PHKA1: variants seen among roughly 807,000 people sequenced by gnomAD.
PHKA1 encodes the protein phosphorylase kinase regulatory subunit alpha 1.
PHKA1 carries 60 observed loss-of-function variants against 110.2 expected under a neutral mutation model. The ratio of observed to expected loss-of-function variants is 0.54; its 90% CI spans 0.44 to 0.68. The LOEUF is 0.68. Ranked by LOEUF, PHKA1 falls within the 30% of genes least tolerant of loss-of-function variation. The probability of loss-of-function intolerance (pLI) is 0.00; values close to 1 mark genes in which losing one functional copy is unlikely to be tolerated. For missense variants in PHKA1, 801 were observed against 942.5 expected, an observed-to-expected ratio of 0.85 and a Z score of 1.97; for synonymous variants, 316 against 333.6, an observed-to-expected ratio of 0.95 and a Z score of 0.58.
At chrX:72,588,819 A>G (rs1797492771) in intron 29 of PHKA1, among the ~76,000 whole-genome samples, 1 of 112,084 alleles carries the variant, frequency 8.9e-6, no homozygotes, top group Admixed American at 9.5e-5. Flanking sequence ...AATAAACTAG[A>G]AAATCTAGAA....
In PHKA1 at chrX:72,601,669, C is replaced by T. The variant is rs782281959; in HGVS notation, c.3072+322G>A. On this transcript the variant is annotated intron_variant, in intron 28 of 31. Transcript: ENST00000373542. ...GCCTAGGAAAAGGTTGAGAAGCCCACCTAAACTCTGGCCAAGCAAAGACTC... is the reference window on the plus strand; with the variant it reads ...GCCTAGGAAAAGGTTGAGAAGCCCATCTAAACTCTGGCCAAGCAAAGACTC... Among the ~76,000 whole-genome samples, 16 of 111,087 alleles carry T rather than the reference C, an allele frequency of 1.4e-4. No individual in the cohort carries two copies. In the South Asian group the frequency reaches 6.2e-3, roughly 43 times the overall value.
intron 16 of PHKA1, among the ~76,000 whole-genome samples, chrX:72,629,614 A>C (rs1471865739): frequency 9.0e-6 from 1 of 111,399 alleles, no homozygotes; most frequent in African/African-American, 3.3e-5. Context: ...ATTTGAACTG[A>C]TGTATTTAGG....
chrX:72,677,316 T>C (rs995956246), intron 5 of PHKA1, among the ~76,000 whole-genome samples: 4 of 112,321 alleles, frequency 3.6e-5, no homozygotes, highest in African/African-American at 1.3e-4. Context: ...CATCACTTGG[T>C]TAACGTGATG....
At chrX:72,648,703 T>C (rs2053391156) in intron 13 of PHKA1, among the ~76,000 whole-genome samples, 2 of 110,702 alleles carry the variant, frequency 1.8e-5, no homozygotes, top group African/African-American at 6.6e-5. Flanking sequence ...GAGATTTAGA[T>C]GAACAACCAT....
chrX:72,584,733 C>CTTTTTTTTTTAACACTTG (rs2052390516), intron 29 of PHKA1, among the ~76,000 whole-genome samples: 1 of 101,167 alleles, frequency 9.9e-6, no homozygotes, highest in Admixed American at 1.1e-4. Flanking sequence ...AAAAGTTTTC[C>CTTTTTTTTTTAACACTTG]TTTTTTTTTT....
At chrX:72,650,521 T>C in intron 12 of PHKA1, 53 bp from the exon 13 acceptor site, 4 of 984,441 alleles carry the variant, frequency 4.1e-6, no homozygotes, top group Non-Finnish European at 5.7e-6. Context: ...GAGAAACTAA[T>C]ACTTGAGGGA....
chrX:72,630,579 CT>C (rs1230078734), intron 16 of PHKA1, among the ~76,000 whole-genome samples: 1,182 of 105,918 alleles, frequency 0.011, 16 homozygotes, highest in African/African-American at 0.039. Context: ...GTTTAAAATT[CT>C]TTTTTTTTTC....
chrX:72,680,553 G>T (rs1556313864), intron 5 of PHKA1, among the ~76,000 whole-genome samples: 1 of 113,068 alleles, frequency 8.8e-6, no homozygotes, highest in East Asian at 2.8e-4. Flanking sequence ...AGCTGAAATA[G>T]TTCATCACTA....
chrX:72,660,843 G>A (rs1556303689), intron 8 of PHKA1: 1 of 203,300 alleles, frequency 4.9e-6, no homozygotes, highest in Non-Finnish European at 9.2e-6. Context: ...TTTTGGTGGA[G>A]AAATAATGTC....
intron 23 of PHKA1, among the ~76,000 whole-genome samples, chrX:72,607,587 A>G (rs2052748566): frequency 9.0e-6 from 1 of 111,673 alleles, no homozygotes; most frequent in Non-Finnish European, 1.9e-5. Context: ...TTTTTTCCCT[A>G]TAGAATTGTT....
Position 72,650,478 on chromosome X carries a change from A to G in PHKA1, c.1246-10T>C. On this transcript the variant is annotated splice_polypyrimidine_tract_variant and intron_variant, in intron 12 of 31. Coordinates refer to ENST00000373542, the MANE Select transcript of PHKA1 (RefSeq NM_002637.4). ...CAGGGGCTAAAAATCCCTAAAGAAA[A>G]ACCATAAAAAGACAGATTATTAAGT... 8.5e-7 allele frequency: 1 copy of G among 1,178,959 alleles called. No individual in the cohort carries two copies. Among genetic ancestry groups the G allele is most frequent in the Non-Finnish European group, 1.2e-6 (1 of 866,801 alleles).
chrX:72,652,672 GC>G, intron 11 of PHKA1, 21 bp from the exon 12 acceptor site: 1 of 900,852 alleles, frequency 1.1e-6, no homozygotes, highest in Non-Finnish European at 1.6e-6. Flanking sequence ...AGATGAAGAG[GC>G]CAGATGAGGA....
At chrX:72,592,521 A>C (rs1178362221) in intron 29 of PHKA1, among the ~76,000 whole-genome samples, 3 of 112,618 alleles carry the variant, frequency 2.7e-5, no homozygotes, top group African/African-American at 9.7e-5. Flanking sequence ...TCTTTGGCCA[A>C]ATAGGCCTTC....
intron 5 of PHKA1, among the ~76,000 whole-genome samples, chrX:72,677,234 T>G (rs1556312217): frequency 8.9e-6 from 1 of 112,361 alleles, no homozygotes; most frequent in Non-Finnish European, 1.9e-5. Context: ...GACATTATGC[T>G]GTGTCCTTCT....
Position 72,636,289 on chromosome X carries a change from A to C in PHKA1, c.1557T>G (p.Thr519=). The part of the protein sequence containing the change: ...KLYDIRKTIF[T]FTPQFIDQQQ... ...TTATTTCACCCACCTGTGGAGTGAA[A>C]GTAAAGATAGTTTTCCGAATGTCAT... The change falls in exon 15 of 32, where the codon ACT becomes ACG. Residue 519 remains threonine (T), a synonymous_variant. Transcript: ENST00000373542. 3.4e-6 allele frequency: 4 copies of C among 1,170,452 alleles called. No homozygotes were observed. Among genetic ancestry groups the C allele is most frequent in the Non-Finnish European group, 4.7e-6 (4 of 857,879 alleles).
At chrX:72,661,743 C>CA (rs782779792) in intron 8 of PHKA1, among the ~76,000 whole-genome samples, 1,768 of 33,047 alleles carry the variant, frequency 0.053, 78 homozygotes, top group African/African-American at 0.14. Context: ...AATGTACTGA[C>CA]AAAAAAAAAA....
chrX:72,712,537 A>T (rs1556335190), intron 2 of PHKA1, among the ~76,000 whole-genome samples: 1 of 112,219 alleles, frequency 8.9e-6, no homozygotes, highest in Non-Finnish European at 1.9e-5. Context: ...TTCCACTGTA[A>T]CAGAACAGAC....
At chrX:72,642,354 T>C (rs782334635) in intron 14 of PHKA1, among the ~76,000 whole-genome samples, 3 of 111,651 alleles carry the variant, frequency 2.7e-5, no homozygotes, top group East Asian at 2.8e-4. Flanking sequence ...AATTAACCTA[T>C]TAACTTTTGA....
At chrX:72,685,847 G>C (rs2053960897) in intron 4 of PHKA1, among the ~76,000 whole-genome samples, 2 of 111,727 alleles carry the variant, frequency 1.8e-5, no homozygotes, top group African/African-American at 6.5e-5. Context: ...TATTTACTTG[G>C]TGGAGGCTAT....
Sources: gnomAD v4.1 joint callset for allele counts (sites outside exome capture counted in the v4.1 genomes callset) on GRCh38, gnomAD v4.1.1 for gene constraint, MANE v1.5 for transcripts, NCBI Gene and HGNC (gene_info 2026-07-23, HGNC 2026-07-21) for gene names.